The following SPAG17 variants were observed in gnomAD, a reference collection of about 807,000 sequenced individuals.
SPAG17 encodes sperm-associated antigen 17.
In SPAG17, 169 loss-of-function variants were observed where a neutral mutation model predicts 273.6. The ratio of observed to expected loss-of-function variants is 0.62; its 90% CI spans 0.55 to 0.70. The LOEUF (loss-of-function observed/expected upper bound fraction) is 0.70, where lower values mean the gene tolerates loss of function less well. Ranked by LOEUF, SPAG17 falls within the 30% of genes least tolerant of loss-of-function variation. The pLI is 0.00. For missense variants in SPAG17, 2,557 were observed against 2,627.8 expected (o/e 0.97, Z 0.59); for synonymous variants, 825 against 873.2 (o/e 0.94, Z 0.97).
In SPAG17 at chr1:118,066,780, A is replaced by G. The variant is rs1474585655; in HGVS notation, c.2505T>C (p.Tyr835=). ...CATTGGAGTGGAGAGCAATGTTCCA[A>G]TATTCACAATGCAAACGTTGTCTAT... ...PMNRQRLHCE[Y]WNIALHSNVG... The change falls in exon 18 of 49, where the codon TAT becomes TAC. Residue 835 remains tyrosine, a synonymous_variant. Coordinates refer to ENST00000336338, the MANE Select transcript of SPAG17 (RefSeq NM_206996.4). 8 of 1,613,152 alleles carry G rather than the reference A, an allele frequency of 5.0e-6. No homozygotes were observed. Among genetic ancestry groups the G allele is most frequent in the South Asian group, 3.3e-5 (3 of 90,758 alleles).
chr1:118,067,422 A>G (rs538612981), intron 17 of SPAG17, among the ~76,000 whole-genome samples: 6 of 152,266 alleles, frequency 3.9e-5, no homozygotes, highest in East Asian at 1.9e-4. Flanking sequence ...TAGTGCCGTT[A>G]TAAGAAGAGG....
Position 118,008,035 on chromosome 1 carries a change from T to C in SPAG17, c.4587+9A>G, listed in dbSNP as rs781034005. On this transcript the variant is annotated intron_variant, in intron 31 of 48. Transcript: ENST00000336338. ...TCTTTGGCGCTTCTCATTTTCCTCG[T>C]AGACCTACCTGGTATGTTCCCTGTG... The C allele has an allele frequency of 6.8e-6, 11 of 1,613,764 alleles. No individual in the cohort carries two copies. The African/African-American group carries it at 8.0e-5, about 12-fold the overall frequency.
chr1:118,101,724 G>T lies in SPAG17; in HGVS notation c.634+16C>A, dbSNP rs760232055. On this transcript the variant is annotated intron_variant, in intron 5 of 48. Coordinates refer to ENST00000336338, the MANE Select transcript of SPAG17 (RefSeq NM_206996.4). ...TCACTCGTGAAAGGCACCGCCGGCA[G>T]CAGCACCTTACTGACCAATGTAACG... 8.7e-6 allele frequency: 14 copies of T among 1,601,822 alleles called. No individual in the cohort carries two copies. The highest frequency in any genetic ancestry group is 1.4e-5 in the African/African-American group (1 of 74,010).
chr1:117,968,708 A>T (rs1654197262), intron 46 of SPAG17, among the ~76,000 whole-genome samples: 1 of 152,078 alleles, frequency 6.6e-6, no homozygotes, highest in Non-Finnish European at 1.5e-5. Context: ...CACCAAACCA[A>T]CCCTTCTGTG....
intron 46 of SPAG17, 46 bp downstream of exon 46, chr1:117,970,010 C>G: frequency 6.4e-7 from 1 of 1,563,792 alleles, no homozygotes; most frequent in Non-Finnish European, 8.8e-7. Flanking sequence ...TACATAGTCA[C>G]TTGCATGCAC....
intron 3 of SPAG17, among the ~76,000 whole-genome samples, chr1:118,129,726 CTT>C (rs1485167130): frequency 6.7e-6 from 1 of 148,702 alleles, no homozygotes; most frequent in Non-Finnish European, 1.5e-5. Context: ...CTTTCTTTCC[CTT>C]TCTTTTCTTT....
intron 3 of SPAG17, among the ~76,000 whole-genome samples, chr1:118,136,653 G>A (rs1570757197): frequency 6.6e-6 from 1 of 152,138 alleles, no homozygotes; most frequent in African/African-American, 2.4e-5. Context: ...ACAGGATGCT[G>A]GCCCAGGGTG....
intron 45 of SPAG17, among the ~76,000 whole-genome samples, chr1:117,970,691 T>G (rs1389354047): frequency 6.6e-6 from 1 of 151,960 alleles, no homozygotes; most frequent in Non-Finnish European, 1.5e-5. Flanking sequence ...TGGAGTAAAT[T>G]AAAATGCCAA....
At chr1:118,023,651 C>T (rs1057243452) in intron 27 of SPAG17, among the ~76,000 whole-genome samples, 188 bp from the exon 28 acceptor site, 2 of 152,086 alleles carry the variant, frequency 1.3e-5, no homozygotes, top group African/African-American at 4.8e-5. Context: ...AGACAATAGC[C>T]TAGTTACCAC....
chr1:118,064,637 A>G (rs1652757371), intron 18 of SPAG17, among the ~76,000 whole-genome samples: 1 of 149,396 alleles, frequency 6.7e-6, no homozygotes. Context: ...CCTAATGCTA[A>G]ATGACGAGTT....
intron 1 of SPAG17, among the ~76,000 whole-genome samples, chr1:118,155,104 T>C (rs187719014): frequency 1.3e-5 from 2 of 152,222 alleles, no homozygotes; most frequent in East Asian, 1.9e-4. Flanking sequence ...CTCCTAGTGA[T>C]TGATAAAGCC....
In SPAG17 at chr1:118,003,747, G is replaced by A. The variant is rs138420632; in HGVS notation, c.4776+1667C>T. On this transcript the variant is annotated intron_variant, in intron 32 of 48. Transcript: ENST00000336338. ...TTTTCAAGGTTTTTAGCTTCCTTGCGATGGGTTTGAACATGTTCCTTTAGC... is the reference window on the plus strand; with the variant it reads ...TTTTCAAGGTTTTTAGCTTCCTTGCAATGGGTTTGAACATGTTCCTTTAGC... Among the ~76,000 whole-genome samples the A allele has an allele frequency of 3.6e-4, 55 of 152,222 alleles. No individual in the cohort carries two copies. In the East Asian group the frequency reaches 8.5e-3, roughly 24 times the overall value.
chr1:117,980,193 C>G (rs1251346170), intron 43 of SPAG17, among the ~76,000 whole-genome samples: 1 of 152,100 alleles, frequency 6.6e-6, no homozygotes, highest in African/African-American at 2.4e-5. Flanking sequence ...GTCAGAAACA[C>G]AAAAGTCTTG....
chr1:118,035,394 A>G (rs1648967005), intron 24 of SPAG17, among the ~76,000 whole-genome samples: 1 of 152,178 alleles, frequency 6.6e-6, no homozygotes, highest in Admixed American at 6.5e-5. Flanking sequence ...ATGATAACCT[A>G]TATTAAGAAG....
intron 20 of SPAG17, among the ~76,000 whole-genome samples, chr1:118,048,551 A>C (rs1650623449): frequency 6.6e-6 from 1 of 152,230 alleles, no homozygotes; most frequent in Non-Finnish European, 1.5e-5. Context: ...GAGATGACTC[A>C]AACAAATAAA....
At chr1:118,047,594 G>T (rs74113543) in intron 20 of SPAG17, among the ~76,000 whole-genome samples, 48 of 152,178 alleles carry the variant, frequency 3.2e-4, no homozygotes, top group African/African-American at 1.1e-3. Context: ...ACAGTCCTCA[G>T]ATCCCAGACT....
At chr1:118,101,679 C>T in intron 5 of SPAG17, 61 bp downstream of exon 5, 1 of 1,512,126 alleles carries the variant, frequency 6.6e-7, no homozygotes, top group Non-Finnish European at 9.0e-7. Flanking sequence ...TAACTGGTCT[C>T]ATTTTATTGC....
At chr1:117,980,777 C>T (rs1010836254) in intron 43 of SPAG17, among the ~76,000 whole-genome samples, 8 of 152,134 alleles carry the variant, frequency 5.3e-5, no homozygotes, top group Admixed American at 4.6e-4. Context: ...AGATATTATC[C>T]TGTATTATTT....
Position 118,113,877 on chromosome 1 carries a change from T to C in SPAG17, c.447+1433A>G, listed in dbSNP as rs1202896548. Among the ~76,000 whole-genome samples, 3 of 152,162 alleles carry C rather than the reference T, an allele frequency of 2.0e-5. No individual in the cohort carries two copies. The East Asian group carries it at 5.8e-4, about 29-fold the overall frequency. ...GCTTTAAAAACGTTTTCCAAGCTAC[T>C]AGAATATTTTATTTGCTTTTACTTA... On this transcript the variant is annotated intron_variant, in intron 4 of 48. Coordinates refer to ENST00000336338, the MANE Select transcript of SPAG17 (RefSeq NM_206996.4).
Sources: gnomAD v4.1 joint callset for allele counts (sites outside exome capture counted in the v4.1 genomes callset) on GRCh38, gnomAD v4.1.1 for gene constraint, MANE v1.5 for transcripts, NCBI Gene and HGNC (gene_info 2026-07-23, HGNC 2026-07-21) for gene names.